RALGPS2: variants seen among roughly 807,000 people sequenced by gnomAD.
The protein encoded by RALGPS2 is ras-specific guanine nucleotide-releasing factor RalGPS2.
Under a neutral mutation model 86.8 loss-of-function variants are expected in RALGPS2, and 43 were observed. That is an observed-to-expected ratio of 0.50 (90% confidence interval 0.39 to 0.64). The LOEUF is 0.64. Among genes scored for constraint, RALGPS2 ranks in the 30% least tolerant of loss-of-function variants. The pLI, the probability that RALGPS2 is intolerant of heterozygous loss-of-function variation, is 0.00. For synonymous variants in RALGPS2, 243 were observed against 231.3 expected (o/e 1.05, Z -0.46); for missense variants, 536 against 694.6 (o/e 0.77, Z 2.57).
At position 178,821,712 on chromosome 1, in the gene RALGPS2, A is replaced by G. The variant is rs1655516456; in HGVS notation, c.480+8A>G. 1.3e-6 allele frequency: 2 copies of G among 1,593,396 alleles called. No individual in the cohort carries two copies. The highest frequency in any genetic ancestry group is 1.7e-6 in the Non-Finnish European group (2 of 1,162,442). On this transcript the variant is annotated splice_region_variant and intron_variant, in intron 7 of 19. Transcript: ENST00000367635. Reference sequence around the variant, plus strand: ...TTGACTAAAACATGGGCGGTGAGTAATATTCTTTAGTTAATGAAAGGTTAG... The same window carrying G: ...TTGACTAAAACATGGGCGGTGAGTAGTATTCTTTAGTTAATGAAAGGTTAG...
chr1:178,873,056 G>A (rs557177194), intron 8 of RALGPS2, among the ~76,000 whole-genome samples: 15 of 152,200 alleles, frequency 9.9e-5, no homozygotes, highest in African/African-American at 3.6e-4. Context: ...GGGAAGATAC[G>A]AAAGTTCAAG....
chr1:178,887,978 A>G (rs1659561585), intron 13 of RALGPS2, among the ~76,000 whole-genome samples: 1 of 152,062 alleles, frequency 6.6e-6, no homozygotes. Context: ...ATAATATTTT[A>G]CTCTTTCTCA....
In RALGPS2 at chr1:178,878,963, A is replaced by G. The variant is rs774815090; in HGVS notation, c.807A>G (p.Leu269=). Residue 269 remains leucine (L), a synonymous_variant, in exon 10 of 20, where the codon CTA becomes CTG. Coordinates refer to ENST00000367635, the MANE Select transcript of RALGPS2 (RefSeq NM_152663.5). Reference sequence around the variant, plus strand: ...ACTCTGTTCAGTATATAGAAGAACTACAAAAATTTGTGGAAGACGATAATT... The same window carrying G: ...ACTCTGTTCAGTATATAGAAGAACTGCAAAAATTTGTGGAAGACGATAATT... ...YLNSVQYIEE[L]QKFVEDDNYK... is the part of the protein sequence containing the mutation. The G allele has an allele frequency of 3.7e-6, 6 of 1,612,578 alleles. No homozygotes were observed.
At chr1:178,754,924 C>T (rs1326066689) in intron 1 of RALGPS2, among the ~76,000 whole-genome samples, 12 of 152,128 alleles carry the variant, frequency 7.9e-5, no homozygotes, top group African/African-American at 2.7e-4. Context: ...CTCAGCCTCC[C>T]GAGTAGCTGG....
At chr1:178,851,592 C>T (rs1181568655) in intron 8 of RALGPS2, among the ~76,000 whole-genome samples, 1 of 151,772 alleles carries the variant, frequency 6.6e-6, no homozygotes, top group Non-Finnish European at 1.5e-5. Flanking sequence ...TAGATGCAAG[C>T]AGTGTTTATA....
intron 18 of RALGPS2, 56 bp downstream of exon 18, chr1:178,902,267 T>G: frequency 7.6e-7 from 1 of 1,319,500 alleles, no homozygotes; most frequent in Non-Finnish European, 1.1e-6. Flanking sequence ...TGTGTATATG[T>G]ATGTATGTAT....
rs1220097085 is a variant in RALGPS2, at chr1:178,892,317, C to T, written c.1325+10C>T. 13 of 1,610,858 alleles carry T rather than the reference C, an allele frequency of 8.1e-6. No individual in the cohort carries two copies. In the South Asian group the frequency reaches 9.9e-5, roughly 12 times the overall value. On this transcript the variant is annotated intron_variant, in intron 15 of 19. Coordinates refer to ENST00000367635, the MANE Select transcript of RALGPS2 (RefSeq NM_152663.5). ...ACATGAAGGCCAGCAGGTACAATTC[C>T]CCTGCATTCAGGGGTCACAGAACTC...
chr1:178,843,781 G>A (rs1041951816), intron 8 of RALGPS2, among the ~76,000 whole-genome samples: 5 of 152,066 alleles, frequency 3.3e-5, no homozygotes, highest in African/African-American at 9.7e-5. Flanking sequence ...CCCTATCTGG[G>A]TATGTGAAGA....
chr1:178,913,480 T>G (rs1660698600), intron 19 of RALGPS2, among the ~76,000 whole-genome samples: 1 of 152,154 alleles, frequency 6.6e-6, no homozygotes, highest in South Asian at 2.1e-4. Flanking sequence ...AAATCCAAAG[T>G]CTGTCATTTC....
chr1:178,888,447 TGTG>T (rs1659582426), intron 13 of RALGPS2, among the ~76,000 whole-genome samples: 1 of 152,168 alleles, frequency 6.6e-6, no homozygotes, highest in South Asian at 2.1e-4. Flanking sequence ...CATTTTCTAA[TGTG>T]GTATCTATCC....
intron 1 of RALGPS2, among the ~76,000 whole-genome samples, chr1:178,741,709 ATACT>A (rs771989576): frequency 6.6e-6 from 1 of 152,250 alleles, no homozygotes; most frequent in Non-Finnish European, 1.5e-5. Flanking sequence ...ATTAGAAACT[ATACT>A]TACTTATTCA....
intron 1 of RALGPS2, among the ~76,000 whole-genome samples, chr1:178,742,870 A>C (rs111841978): frequency 1.3e-5 from 2 of 152,252 alleles, no homozygotes; most frequent in African/African-American, 4.8e-5. Context: ...GGAAGAGATC[A>C]AAAGGGAAAT....
At position 178,726,928 on chromosome 1, in the gene RALGPS2, A is replaced by G. The variant is rs191192959; in HGVS notation, c.-84+1509A>G. Among the ~76,000 whole-genome samples, 208 of 152,346 alleles carry G rather than the reference A, an allele frequency of 1.4e-3. 1 individual carries two copies. The highest frequency in any genetic ancestry group is 0.013 in the Admixed American group (200 of 15,310). On this transcript the variant is annotated intron_variant, in intron 1 of 19. Transcript: ENST00000367635. Reference sequence around the variant, plus strand: ...CAAGTGCTATAGAATCATACACATAAGTGTATTACTCTTACGGCTAAATAT... The same window carrying G: ...CAAGTGCTATAGAATCATACACATAGGTGTATTACTCTTACGGCTAAATAT...
chr1:178,793,432 G>A (rs975477706), intron 4 of RALGPS2, among the ~76,000 whole-genome samples: 3 of 148,506 alleles, frequency 2.0e-5, no homozygotes, highest in African/African-American at 7.5e-5. Flanking sequence ...AAGAAATGGG[G>A]TCTCGCAGTG....
At chr1:178,901,304 C>T (rs1389896046) in intron 17 of RALGPS2, among the ~76,000 whole-genome samples, 4 of 152,044 alleles carry the variant, frequency 2.6e-5, no homozygotes, top group Non-Finnish European at 5.9e-5. Flanking sequence ...CCCTGTCAAC[C>T]ATATCCACAG....
chr1:178,839,187 A>G (rs1656448036), intron 8 of RALGPS2, among the ~76,000 whole-genome samples: 1 of 152,178 alleles, frequency 6.6e-6, no homozygotes, highest in South Asian at 2.1e-4. Flanking sequence ...CCTCGAGAAG[A>G]GCAACTCCAA....
chr1:178,732,916 C>G (rs190300116), intron 1 of RALGPS2, among the ~76,000 whole-genome samples: 2 of 152,036 alleles, frequency 1.3e-5, no homozygotes, highest in Non-Finnish European at 2.9e-5. Context: ...TTCACCCACA[C>G]GGCTGAATTT....
At chr1:178,824,893 T>C (rs560106637) in intron 7 of RALGPS2, among the ~76,000 whole-genome samples, 2 of 152,200 alleles carry the variant, frequency 1.3e-5, no homozygotes, top group East Asian at 1.9e-4. Flanking sequence ...TGCAGGTAAG[T>C]TGGTAGATTT....
chr1:178,889,629 CTT>C lies in RALGPS2; in HGVS notation c.1193-10_1193-9del, dbSNP rs760227317. ...TTCTGATGTTTAAAAAATAGGATAACTTTTCATTTTAGGTAGCAGCGATGGTT... is the reference window on the plus strand; with the variant it reads ...TTCTGATGTTTAAAAAATAGGATAACTTCATTTTAGGTAGCAGCGATGGTT... On this transcript the variant is annotated splice_polypyrimidine_tract_variant and intron_variant, in intron 13 of 19. Coordinates refer to ENST00000367635, the MANE Select transcript of RALGPS2 (RefSeq NM_152663.5). 3.2e-6 allele frequency: 5 copies of C among 1,582,926 alleles called. No individual in the cohort carries two copies. Among genetic ancestry groups the C allele is most frequent in the South Asian group, 2.3e-5 (2 of 88,618 alleles).
Sources: allele counts gnomAD v4.1 joint callset (sites outside exome capture counted in the v4.1 genomes callset), GRCh38; gene constraint gnomAD v4.1.1; transcripts MANE v1.5; gene names NCBI Gene and HGNC (gene_info 2026-07-23, HGNC 2026-07-21).